The following SORCS3 variants were observed in gnomAD, a reference collection of about 807,000 sequenced individuals.
SORCS3 encodes VPS10 domain-containing receptor SorCS3.
Under a neutral mutation model 146.3 loss-of-function variants are expected in SORCS3, and 57 were observed. That is an observed-to-expected ratio of 0.39 (90% CI 0.31 to 0.49). The LOEUF is 0.49. SORCS3 is among the 20% of genes least tolerant of loss of function. The pLI, the probability that SORCS3 is intolerant of heterozygous loss-of-function variation, is 0.92. For synonymous variants in SORCS3, 653 were observed against 618.5 expected (o/e 1.06, Z -0.83); for missense variants, 1,341 against 1,575.5 (o/e 0.85, Z 2.52).
chr10:105,247,540 A>C (rs1243724997), intron 22 of SORCS3, among the ~76,000 whole-genome samples: 1 of 152,198 alleles, frequency 6.6e-6, no homozygotes, highest in Non-Finnish European at 1.5e-5. Context: ...ACTTGAGACC[A>C]GGAGTTTGAG....
intron 3 of SORCS3, among the ~76,000 whole-genome samples, chr10:104,931,859 G>A (rs1156716510): frequency 6.6e-6 from 1 of 152,220 alleles, no homozygotes; most frequent in African/African-American, 2.4e-5. Flanking sequence ...AGAATAGCAT[G>A]AAGATAGGAT....
At chr10:105,096,566 T>C (rs932159070) in intron 6 of SORCS3, among the ~76,000 whole-genome samples, 2 of 152,096 alleles carry the variant, frequency 1.3e-5, no homozygotes, top group Non-Finnish European at 2.9e-5. Flanking sequence ...GTAAGTATCA[T>C]GGAAAAAGTG....
intron 2 of SORCS3, among the ~76,000 whole-genome samples, chr10:104,914,052 C>T (rs1014069347): frequency 7.2e-5 from 11 of 151,948 alleles, no homozygotes; most frequent in South Asian, 4.1e-4. Flanking sequence ...TACAGGCGTG[C>T]GTCACCACAC....
intron 4 of SORCS3, among the ~76,000 whole-genome samples, chr10:104,987,188 A>C (rs1177131449): frequency 6.6e-6 from 1 of 152,126 alleles, no homozygotes; most frequent in Admixed American, 6.6e-5. Flanking sequence ...GAAGGACGGA[A>C]CGAAAGAAGG....
chr10:104,783,659 G>A (rs187868338), intron 1 of SORCS3, among the ~76,000 whole-genome samples: 1 of 152,270 alleles, frequency 6.6e-6, no homozygotes, highest in Admixed American at 6.5e-5. Context: ...CCCAGGAGGT[G>A]GAGGTTGCAG....
intron 17 of SORCS3, among the ~76,000 whole-genome samples, chr10:105,213,655 G>A (rs577794257): frequency 6.6e-6 from 1 of 152,270 alleles, no homozygotes; most frequent in East Asian, 1.9e-4. Flanking sequence ...ATATGCTGGG[G>A]TTGGTGGGCA....
At chr10:104,999,532 A>C (rs1332182111) in intron 4 of SORCS3, among the ~76,000 whole-genome samples, 7 of 152,166 alleles carry the variant, frequency 4.6e-5, no homozygotes, top group Non-Finnish European at 8.8e-5. Flanking sequence ...GAAATCCATA[A>C]GCAAGTCCTC....
intron 1 of SORCS3, among the ~76,000 whole-genome samples, chr10:104,776,980 A>C (rs940826103): frequency 2.5e-5 from 3 of 118,610 alleles, no homozygotes; most frequent in South Asian, 5.4e-4. Flanking sequence ...GGGGAGATAC[A>C]GTTGCTTCTA....
chr10:104,848,183 C>T (rs1260325324), intron 2 of SORCS3, among the ~76,000 whole-genome samples: 1 of 152,170 alleles, frequency 6.6e-6, no homozygotes, highest in Non-Finnish European at 1.5e-5. Context: ...CCCCGCCTTG[C>T]CGTGTCCCTT....
At chr10:105,062,033 C>A (rs1412645539) in intron 5 of SORCS3, among the ~76,000 whole-genome samples, 4 of 152,130 alleles carry the variant, frequency 2.6e-5, no homozygotes, top group Non-Finnish European at 5.9e-5. Context: ...CAGGTGGCAT[C>A]CACCTTTGGA....
chr10:104,778,000 AT>A (rs1389455837), intron 1 of SORCS3, among the ~76,000 whole-genome samples: 2 of 152,166 alleles, frequency 1.3e-5, no homozygotes, highest in Non-Finnish European at 2.9e-5. Flanking sequence ...AGGTAAGCTC[AT>A]TATTGAGTAT....
At chr10:104,687,362 A>T (rs1746487241) in intron 1 of SORCS3, among the ~76,000 whole-genome samples, 1 of 152,232 alleles carries the variant, frequency 6.6e-6, no homozygotes, top group African/African-American at 2.4e-5. Context: ...GTAGAAGGCA[A>T]CTGGATGAAT....
intron 7 of SORCS3, among the ~76,000 whole-genome samples, chr10:105,114,090 C>T (rs763054934): frequency 6.6e-6 from 1 of 152,086 alleles, no homozygotes; most frequent in Non-Finnish European, 1.5e-5. Flanking sequence ...ACCCTGGCTA[C>T]CCTTGCTACT....
At chr10:104,838,643 T>A (rs1277047371) in intron 1 of SORCS3, among the ~76,000 whole-genome samples, 1 of 152,190 alleles carries the variant, frequency 6.6e-6, no homozygotes, top group African/African-American at 2.4e-5. Flanking sequence ...TCCCACTCCC[T>A]GCTTTATTTG....
intron 1 of SORCS3, among the ~76,000 whole-genome samples, chr10:104,688,605 T>C (rs998882999): frequency 2.0e-5 from 3 of 152,200 alleles, no homozygotes; most frequent in Non-Finnish European, 2.9e-5. Context: ...CGGCCTCAAC[T>C]CCAGTTTTCT....
chr10:105,010,731 T>C lies in SORCS3; in HGVS notation c.955-32324T>C, dbSNP rs572206209. 4.8e-4 allele frequency among the ~76,000 whole-genome samples: 73 copies of C among 152,142 alleles called. 2 individuals are homozygous for C. Among genetic ancestry groups the C allele is most frequent in the Middle Eastern group, 3.4e-3 (1 of 294 alleles). ...TGGAAGCATAGTTTCTTTTTTTTTT[T>C]TCTCTCTTTCAGTGGCACTTTTCTG... On this transcript the variant is annotated intron_variant, in intron 4 of 26. Coordinates refer to ENST00000369701, the MANE Select transcript of SORCS3 (RefSeq NM_014978.3).
At chr10:104,928,246 T>C (rs1252100817) in intron 3 of SORCS3, among the ~76,000 whole-genome samples, 1 of 152,140 alleles carries the variant, frequency 6.6e-6, no homozygotes, top group African/African-American at 2.4e-5. Flanking sequence ...GAGACCTGTG[T>C]CTCAGGAAGG....
chr10:104,699,857 T>G (rs943184315), intron 1 of SORCS3, among the ~76,000 whole-genome samples: 3 of 152,180 alleles, frequency 2.0e-5, no homozygotes, highest in African/African-American at 7.2e-5. Context: ...GATGGATGAT[T>G]TGCTGTTACC....
intron 2 of SORCS3, among the ~76,000 whole-genome samples, chr10:104,892,945 T>C (rs985813468): frequency 6.6e-6 from 1 of 152,132 alleles, no homozygotes; most frequent in Non-Finnish European, 1.5e-5. Flanking sequence ...AGGATCCTCA[T>C]ACATGCCATT....
Sources: allele counts gnomAD v4.1 joint callset (sites outside exome capture counted in the v4.1 genomes callset), GRCh38; gene constraint gnomAD v4.1.1; transcripts MANE v1.5; gene names NCBI Gene and HGNC (gene_info 2026-07-23, HGNC 2026-07-21).